RNASET2: variants seen among roughly 807,000 people sequenced by gnomAD.
RNASET2 encodes the protein ribonuclease T2, also known as ribonuclease 6.
In RNASET2, 28 loss-of-function variants were observed where a neutral mutation model predicts 33.9. That is an observed-to-expected ratio of 0.83 (90% CI 0.61 to 1.13). The LOEUF is 1.13. Among genes scored for constraint, RNASET2 ranks in the 50% most tolerant of loss-of-function variants. The pLI is 0.00. For synonymous variants in RNASET2, 123 were observed against 121.0 expected (o/e 1.02, Z -0.11); for missense variants, 330 against 319.9 (o/e 1.03, Z -0.24).
rs201959434 is a variant in RNASET2, at chr6:166,943,043, G to A, written c.308C>T (p.Ser103Leu). The A allele has an allele frequency of 1.4e-5, 23 of 1,613,662 alleles. No homozygotes were observed. The highest frequency in any genetic ancestry group is 9.3e-5 in the African/African-American group (7 of 75,036). ...CCAGAAGCGGCTGCGATTGGGAAAC[G>A]AGTGAATTACGTCAGGCCAGTATGC... ...MRAYWPDVIH[S>L]FPNRSRFWKH... is the part of the protein sequence containing the mutation. The change falls in exon 5 of 9, where the codon TCG becomes TTG. Residue 103 changes from serine to leucine, a missense_variant. By Grantham distance (145) the Ser-to-Leu change is moderately radical. Coordinates refer to ENST00000508775, the MANE Select transcript of RNASET2 (RefSeq NM_003730.6).
At chr6:166,947,289 C>T (rs1206559944) in intron 3 of RNASET2, among the ~76,000 whole-genome samples, 1 of 152,204 alleles carries the variant, frequency 6.6e-6, no homozygotes, top group Admixed American at 6.5e-5. Context: ...CGCACTTACA[C>T]TGTCTAGAAC....
At chr6:166,948,067 T>C (rs1157307186) in intron 3 of RNASET2, among the ~76,000 whole-genome samples, 1 of 152,122 alleles carries the variant, frequency 6.6e-6, no homozygotes, top group Non-Finnish European at 1.5e-5. Context: ...TGTTATTGGC[T>C]GGGCACAGTG....
intron 5 of RNASET2, 143 bp downstream of exon 5, chr6:166,942,876 T>TA: frequency 1.4e-6 from 1 of 698,534 alleles, no homozygotes; most frequent in Admixed American, 2.3e-5. Flanking sequence ...TCATATCTCA[T>TA]AAAAGGTTGT....
At chr6:166,929,887 A>C in intron 8 of RNASET2, 96 bp from the exon 9 acceptor site, 1 of 1,197,030 alleles carries the variant, frequency 8.4e-7, no homozygotes, top group South Asian at 1.2e-5. Flanking sequence ...AGAAGATAAC[A>C]AAAGCAGAGG....
chr6:166,935,862 C>T (rs1034959448), intron 6 of RNASET2, among the ~76,000 whole-genome samples: 10 of 151,982 alleles, frequency 6.6e-5, no homozygotes, highest in African/African-American at 1.7e-4. Context: ...TTAGTAGAGA[C>T]GGGGGTTTCA....
intron 3 of RNASET2, among the ~76,000 whole-genome samples, chr6:166,948,028 C>T (rs559487786): frequency 6.5e-4 from 99 of 152,068 alleles, no homozygotes; most frequent in South Asian, 1.7e-3. Context: ...TGACATGTAC[C>T]GAGAATCTGT....
Position 166,926,585 on chromosome 6 carries a change from T to C in RNASET2, c.*3003A>G, listed in dbSNP as rs773599245. On this transcript the variant is annotated 3_prime_UTR_variant, in exon 9 of 9. Transcript: ENST00000508775. The stretch of plus-strand genomic sequence containing the variant: ...AAAAGATATCTAGTTCTGAATATGA[T>C]ACAATTGCTACTGTTAGTTATTCAA... Among the ~76,000 whole-genome samples, 3 of 151,258 alleles carry C rather than the reference T, an allele frequency of 2.0e-5. No individual in the cohort carries two copies. Among genetic ancestry groups the C allele is most frequent in the Non-Finnish European group, 4.4e-5 (3 of 67,798 alleles).
At chr6:166,936,829 TTAA>T (rs1473361459) in intron 6 of RNASET2, among the ~76,000 whole-genome samples, 4 of 152,258 alleles carry the variant, frequency 2.6e-5, no homozygotes, top group Non-Finnish European at 1.5e-5. Context: ...TAGGAGCCAC[TTAA>T]TAAACTATTT....
Position 166,927,069 on chromosome 6 carries a change from C to T in RNASET2, c.*2519G>A, listed in dbSNP as rs150917746. 6.6e-5 allele frequency among the ~76,000 whole-genome samples: 10 copies of T among 152,340 alleles called. No homozygotes were observed. The highest frequency in any genetic ancestry group is 4.6e-4 in the Admixed American group (7 of 15,294). On this transcript the variant is annotated 3_prime_UTR_variant, in exon 9 of 9. Transcript: ENST00000508775. ...ATGGGAGGCATTTCTCAGTCACCTCCGCCCAGTTACAGCGAGAACCGTGTG... is the reference window on the plus strand; with the variant it reads ...ATGGGAGGCATTTCTCAGTCACCTCTGCCCAGTTACAGCGAGAACCGTGTG...
chr6:166,939,933 T>C (rs899908986), intron 5 of RNASET2, among the ~76,000 whole-genome samples: 2 of 152,268 alleles, frequency 1.3e-5, no homozygotes, highest in African/African-American at 4.8e-5. Context: ...GTTCTTCGTT[T>C]GGTTCTCAAA....
chr6:166,952,376 G>A (rs569330296), intron 2 of RNASET2, 112 bp downstream of exon 2: 204 of 937,146 alleles, frequency 2.2e-4, no homozygotes, highest in Middle Eastern at 1.5e-3. Context: ...CCGCCAGAGC[G>A]ATGCCTACCT....
chr6:166,930,274 T>G (rs556815091), intron 8 of RNASET2, among the ~76,000 whole-genome samples: 85 of 152,362 alleles, frequency 5.6e-4, no homozygotes, highest in African/African-American at 2.0e-3. Context: ...CAAGAAACCA[T>G]GCTTGCTCAC....
chr6:166,943,128 T>A (rs1778733215), intron 4 of RNASET2, 39 bp from the exon 5 acceptor site: 14 of 1,497,574 alleles, frequency 9.3e-6, no homozygotes, highest in Non-Finnish European at 1.3e-5. Flanking sequence ...CGCAGGTTCT[T>A]AATAATAAAC....
At chr6:166,949,946 C>G (rs3798304) in intron 2 of RNASET2, among the ~76,000 whole-genome samples, 53,329 of 152,138 alleles carry the variant, frequency 0.35, 11,335 homozygotes, top group African/African-American at 0.61. Flanking sequence ...CACCTGGGCT[C>G]AAACAGAACC....
chr6:166,952,038 G>A (rs1295059914), intron 2 of RNASET2, among the ~76,000 whole-genome samples: 7 of 152,200 alleles, frequency 4.6e-5, no homozygotes, highest in Admixed American at 4.6e-4. Context: ...CCAATTACTG[G>A]TGTCCTCATC....
intron 7 of RNASET2, 56 bp downstream of exon 7, chr6:166,934,035 C>T: frequency 7.5e-7 from 1 of 1,325,922 alleles, no homozygotes; most frequent in Non-Finnish European, 1.1e-6. Flanking sequence ...CTGAAACGGC[C>T]CTACTGGAGG....
intron 6 of RNASET2, among the ~76,000 whole-genome samples, chr6:166,936,989 G>A (rs1267649842): frequency 2.6e-5 from 4 of 152,196 alleles, no homozygotes; most frequent in African/African-American, 9.6e-5. Context: ...AGGACTGTGA[G>A]ACCCCTGTTT....
Position 166,929,390 on chromosome 6 carries a change from C to A in RNASET2, c.*198G>T, listed in dbSNP as rs1363783835. 2 of 651,564 alleles carry A rather than the reference C, an allele frequency of 3.1e-6. No individual in the cohort carries two copies. Among genetic ancestry groups the A allele is most frequent in the Non-Finnish European group, 5.4e-6 (2 of 369,114 alleles). 40.4% of individuals were successfully genotyped at this position (651,564 alleles called of 1,614,324 possible). A position where few individuals can be genotyped will look rare whatever the true frequency, so the allele number is the denominator to read the frequency against. On this transcript the variant is annotated 3_prime_UTR_variant, in exon 9 of 9. Transcript: ENST00000508775. ...GAGCTTTATCCCAAGCACAAAACAG[C>A]CACTCAGGCGTGGGAGAGCTCCTTT...
rs766917268 is a variant in RNASET2 at position 166,955,179 on chromosome 6, A to ACACACACACACACG, written c.86+917_86+918insCGTGTGTGTGTGTG. ...CCTAATTAATTTGGGCGGCTGCCACACACACACACGCACACACGCACGCAC... is the reference window on the plus strand; with the variant it reads ...CCTAATTAATTTGGGCGGCTGCCACACACACACACACACGCACACACACGCACACACGCACGCAC... On this transcript the variant is annotated intron_variant, in intron 1 of 8. Coordinates refer to ENST00000508775, the MANE Select transcript of RNASET2 (RefSeq NM_003730.6). Among the ~76,000 whole-genome samples the ACACACACACACACG allele has an allele frequency of 3.8e-4, 44 of 116,718 alleles. 1 individual carries two copies. The South Asian group carries it at 0.01, about 27-fold the overall frequency. 76.6% of individuals were successfully genotyped at this position (116,718 alleles called of 152,430 possible).
Sources: gnomAD v4.1 joint callset for allele counts (sites outside exome capture counted in the v4.1 genomes callset) on GRCh38, gnomAD v4.1.1 for gene constraint, MANE v1.5 for transcripts, NCBI Gene and HGNC (gene_info 2026-07-23, HGNC 2026-07-21) for gene names.